Variants in PPP2R2C observed in about 807,000 individuals in gnomAD.
PPP2R2C encodes protein phosphatase 2, regulatory subunit B, gamma.
In PPP2R2C, 10 loss-of-function variants were observed where a neutral mutation model predicts 45.3. The ratio of observed to expected loss-of-function variants is 0.22; its 90% CI spans 0.14 to 0.37. The LOEUF is 0.37. Ranked by LOEUF, PPP2R2C falls within the 10% of genes least tolerant of loss-of-function variation. PPP2R2C has a pLI of 1.00. For missense variants in PPP2R2C, 308 were observed against 619.7 expected, an observed-to-expected ratio of 0.50 and a Z score of 5.34; for synonymous variants, 257 against 245.4, an observed-to-expected ratio of 1.05 and a Z score of -0.44.
At chr4:6,485,806 A>G (rs1722510796) in intron 2 of PPP2R2C, among the ~76,000 whole-genome samples, 2 of 151,970 alleles carry the variant, frequency 1.3e-5, no homozygotes, top group Non-Finnish European at 2.9e-5. Context: ...ACTGATAAAA[A>G]TCTTAGATAA....
At chr4:6,390,734 C>G (rs2109332013) in intron 1 of PPP2R2C, among the ~76,000 whole-genome samples, 2 of 152,292 alleles carry the variant, frequency 1.3e-5, no homozygotes, top group South Asian at 4.1e-4. Flanking sequence ...GGTCTGAGAG[C>G]CGCAGGGCCA....
At chr4:6,405,844 G>A (rs1189937990) in intron 1 of PPP2R2C, among the ~76,000 whole-genome samples, 1 of 152,166 alleles carries the variant, frequency 6.6e-6, no homozygotes, top group African/African-American at 2.4e-5. Flanking sequence ...TTCGCGGAGG[G>A]GCAGGGGGAG....
intron 1 of PPP2R2C, among the ~76,000 whole-genome samples, chr4:6,455,603 GC>G (rs1253232384): frequency 6.6e-6 from 1 of 152,104 alleles, no homozygotes; most frequent in Non-Finnish European, 1.5e-5. Context: ...CTGACTGGGG[GC>G]TTTCTCACCT....
At chr4:6,387,558 C>T (rs756449816) in intron 1 of PPP2R2C, among the ~76,000 whole-genome samples, 5 of 152,178 alleles carry the variant, frequency 3.3e-5, no homozygotes, top group Non-Finnish European at 7.3e-5. Flanking sequence ...CACCTGTAAT[C>T]CCAGCACTTT....
intron 1 of PPP2R2C, among the ~76,000 whole-genome samples, chr4:6,463,399 A>G (rs115964896): frequency 2.6e-5 from 4 of 152,212 alleles, no homozygotes; most frequent in African/African-American, 9.6e-5. Flanking sequence ...GCCAGCCTGG[A>G]GGAGGCCCTT....
chr4:6,350,265 G>A, intron 5 of PPP2R2C: 1 of 985,476 alleles, frequency 1.0e-6, no homozygotes, highest in African/African-American at 1.7e-5. Context: ...CAGGCCGAAT[G>A]CCTCCCATGG....
chr4:6,508,384 A>G (rs934621651), intron 2 of PPP2R2C, among the ~76,000 whole-genome samples: 3 of 152,172 alleles, frequency 2.0e-5, no homozygotes, highest in Non-Finnish European at 4.4e-5. Context: ...CAGGAGTTTG[A>G]GACCAGACTG....
At chr4:6,373,580 G>A (rs150626644) in intron 4 of PPP2R2C, among the ~76,000 whole-genome samples, 6 of 152,272 alleles carry the variant, frequency 3.9e-5, no homozygotes, top group East Asian at 1.9e-4. Context: ...TCTCTCTAGC[G>A]CTCAGTCCAA....
intron 1 of PPP2R2C, among the ~76,000 whole-genome samples, chr4:6,393,140 C>T (rs990058371): frequency 6.6e-6 from 1 of 152,182 alleles, no homozygotes; most frequent in Non-Finnish European, 1.5e-5. Flanking sequence ...GAACCATCAC[C>T]ACAGTCTAAT....
intron 6 of PPP2R2C, 62 bp from the exon 7 acceptor site, chr4:6,333,793 C>A: frequency 6.3e-7 from 1 of 1,579,486 alleles, no homozygotes. Context: ...GTTGGCACGA[C>A]GGATGACTCT....
intron 1 of PPP2R2C, among the ~76,000 whole-genome samples, chr4:6,432,805 C>T (rs1719696604): frequency 6.6e-6 from 1 of 152,136 alleles, no homozygotes; most frequent in Non-Finnish European, 1.5e-5. Flanking sequence ...TTTTAGAATA[C>T]AGTTGACCCT....
intron 1 of PPP2R2C, among the ~76,000 whole-genome samples, chr4:6,419,077 T>C (rs1252296394): frequency 6.6e-6 from 1 of 152,166 alleles, no homozygotes; most frequent in Admixed American, 6.5e-5. Flanking sequence ...GCCCAAGAGC[T>C]AAGAATGTTT....
intron 1 of PPP2R2C, among the ~76,000 whole-genome samples, chr4:6,418,704 T>A (rs1330456695): frequency 6.6e-6 from 1 of 152,158 alleles, no homozygotes; most frequent in African/African-American, 2.4e-5. Flanking sequence ...AAAGGGACAA[T>A]GGTGTGTCAT....
At chr4:6,413,629 C>T (rs576421853) in intron 1 of PPP2R2C, among the ~76,000 whole-genome samples, 2 of 152,324 alleles carry the variant, frequency 1.3e-5, no homozygotes, top group East Asian at 3.9e-4. Context: ...AACACCCTGC[C>T]GCCTCTCAGC....
chr4:6,449,270 G>A (rs1453759075), intron 1 of PPP2R2C, among the ~76,000 whole-genome samples: 1 of 152,194 alleles, frequency 6.6e-6, no homozygotes, highest in Admixed American at 6.5e-5. Context: ...TTGATCAACA[G>A]CCAATTGCAT....
chr4:6,384,228 T>C (rs1265132584), intron 1 of PPP2R2C: 9 of 985,460 alleles, frequency 9.1e-6, no homozygotes, highest in South Asian at 4.7e-5. Context: ...GGGCGCTGGT[T>C]CTTGCTATTT....
In PPP2R2C at chr4:6,484,162, G is replaced by A. The variant is rs118032512; in HGVS notation, c.49+51109C>T. Among the ~76,000 whole-genome samples the A allele has an allele frequency of 1.8e-3, 279 of 151,900 alleles. 6 individuals are homozygous for A. In the East Asian group the frequency reaches 0.052, roughly 28 times the overall value. ...GATCTATGATCCATTTTGAATATTTGTATATGGTACAAAATATGGATTGAA... is the reference window on the plus strand; with the variant it reads ...GATCTATGATCCATTTTGAATATTTATATATGGTACAAAATATGGATTGAA... On this transcript the variant is annotated intron_variant, in intron 2 of 9. Coordinates refer to the PPP2R2C transcript ENST00000506140.
At chr4:6,548,994 T>C (rs1248385354) in intron 1 of PPP2R2C, among the ~76,000 whole-genome samples, 4 of 152,188 alleles carry the variant, frequency 2.6e-5, no homozygotes, top group African/African-American at 9.6e-5. Flanking sequence ...AATGTTTATG[T>C]GTTTGTCCCT....
intron 1 of PPP2R2C, among the ~76,000 whole-genome samples, chr4:6,399,370 C>T (rs1027966050): frequency 6.6e-5 from 10 of 152,224 alleles, no homozygotes; most frequent in Admixed American, 1.3e-4. Flanking sequence ...ATTTAATCCC[C>T]TCAACGTAAT....
Sources: gnomAD v4.1 joint callset for allele counts (sites outside exome capture counted in the v4.1 genomes callset) on GRCh38, gnomAD v4.1.1 for gene constraint, MANE v1.5 for transcripts, NCBI Gene and HGNC (gene_info 2026-07-23, HGNC 2026-07-21) for gene names.